Variants in IRF2 observed in about 807,000 individuals in gnomAD.
IRF2 encodes the protein interferon regulatory factor 2.
In IRF2, 15 loss-of-function variants were observed where a neutral mutation model predicts 40.6. That is an observed-to-expected ratio of 0.37 (90% CI 0.25 to 0.57). The LOEUF is 0.57. Among genes scored for constraint, IRF2 ranks in the 20% least tolerant of loss-of-function variants. The pLI is 0.77. For missense variants in IRF2, 317 were observed against 455.7 expected (o/e 0.70, Z 2.77); for synonymous variants, 151 against 165.5 (o/e 0.91, Z 0.67).
intron 6 of IRF2, among the ~76,000 whole-genome samples, chr4:184,406,316 G>A (rs945647602): frequency 2.0e-5 from 3 of 148,418 alleles, no homozygotes; most frequent in Admixed American, 1.4e-4. Context: ...TGCAACCTCC[G>A]CCTCCTGGGT....
At chr4:184,393,950 T>A (rs1477252373) in intron 7 of IRF2, among the ~76,000 whole-genome samples, 2 of 152,238 alleles carry the variant, frequency 1.3e-5, no homozygotes, top group African/African-American at 4.8e-5. Context: ...ACAAGGGAGC[T>A]GACTGCAGCT....
At chr4:184,460,705 G>GCA (rs1296842334) in intron 1 of IRF2, among the ~76,000 whole-genome samples, 1 of 148,888 alleles carries the variant, frequency 6.7e-6, no homozygotes, top group African/African-American at 2.5e-5. Context: ...ACATGCACAC[G>GCA]CACACACACA....
chr4:184,428,593 T>G, intron 2 of IRF2: 2 of 386,388 alleles, frequency 5.2e-6, no homozygotes, highest in African/African-American at 2.1e-5. Flanking sequence ...AGCCCAGGAG[T>G]TCAAGACCAG....
intron 1 of IRF2, among the ~76,000 whole-genome samples, chr4:184,446,495 A>C (rs1738514035): frequency 6.6e-6 from 1 of 152,232 alleles, no homozygotes; most frequent in Admixed American, 6.5e-5. Context: ...CCGTGGGGAC[A>C]TAAGACCACA....
chr4:184,462,649 T>C (rs1009917799), intron 1 of IRF2, among the ~76,000 whole-genome samples: 1 of 152,202 alleles, frequency 6.6e-6, no homozygotes, highest in Non-Finnish European at 1.5e-5. Flanking sequence ...AGGATCATCA[T>C]TGGAACTTAA....
At chr4:184,400,300 A>G (rs2149893597) in intron 6 of IRF2, among the ~76,000 whole-genome samples, 1 of 152,290 alleles carries the variant, frequency 6.6e-6, no homozygotes, top group Middle Eastern at 3.4e-3. Context: ...AGGATGTTAT[A>G]TTAATGGACT....
intron 5 of IRF2, among the ~76,000 whole-genome samples, chr4:184,410,835 G>T (rs547808922): frequency 6.6e-6 from 1 of 152,258 alleles, no homozygotes; most frequent in African/African-American, 2.4e-5. Context: ...TTAGTGACAA[G>T]TGATACTTTT....
chr4:184,416,814 G>T (rs1737294079), intron 5 of IRF2, among the ~76,000 whole-genome samples: 1 of 152,162 alleles, frequency 6.6e-6, no homozygotes, highest in Admixed American at 6.5e-5. Context: ...GGGAGACTGA[G>T]GTGGGCGAAT....
At chr4:184,460,633 G>A (rs1005122911) in intron 1 of IRF2, among the ~76,000 whole-genome samples, 9 of 146,038 alleles carry the variant, frequency 6.2e-5, no homozygotes, top group African/African-American at 2.1e-4. Context: ...ACACACACAC[G>A]CATGCACGCA....
chr4:184,405,406 T>G (rs1239981183), intron 6 of IRF2, among the ~76,000 whole-genome samples: 1 of 152,160 alleles, frequency 6.6e-6, no homozygotes, highest in Non-Finnish European at 1.5e-5. Flanking sequence ...GACAAAGCCT[T>G]TGCAGCTGCT....
chr4:184,393,704 C>T (rs1736341582), intron 7 of IRF2, among the ~76,000 whole-genome samples: 1 of 140,524 alleles, frequency 7.1e-6, no homozygotes, highest in African/African-American at 2.6e-5. Context: ...AGATTAAGTT[C>T]CACAGCATCT....
intron 2 of IRF2, among the ~76,000 whole-genome samples, chr4:184,423,442 C>T (rs1737553934): frequency 6.6e-6 from 1 of 152,222 alleles, no homozygotes. Context: ...TCTGCCTCTT[C>T]TTCCCCCCAA....
chr4:184,419,686 T>C (rs963275057), intron 2 of IRF2, 118 bp from the exon 3 acceptor site: 2 of 683,374 alleles, frequency 2.9e-6, no homozygotes, highest in African/African-American at 3.6e-5. Flanking sequence ...GCTGAATGTG[T>C]TGACTGCTGA....
chr4:184,388,871 G>C lies in IRF2; in HGVS notation c.937C>G (p.Leu313Val). ...GATGCTGGGGTCATGGAGGAAGAAA[G>C]GGGGAGGTCTTGAAAAGGGGGCCAG... Reference protein sequence around the residue: ...SSWPPFQDLPLSSSMTPASSS... With the variant: ...SSWPPFQDLPVSSSMTPASSS... The change falls in exon 9 of 9, where the codon CTT becomes GTT. Residue 313 changes from leucine (L) to valine (V), a missense_variant. Coordinates refer to ENST00000393593, the MANE Select transcript of IRF2 (RefSeq NM_002199.4). The surrounding 1 kb of genome is among the most constrained non-coding windows in gnomAD (Gnocchi z 4.6). 2 of 1,614,106 alleles carry C rather than the reference G, an allele frequency of 1.2e-6. No individual in the cohort carries two copies. The highest frequency in any genetic ancestry group is 1.3e-5 in the African/African-American group (1 of 75,004).
chr4:184,400,204 C>T (rs907672350), intron 6 of IRF2, among the ~76,000 whole-genome samples: 3 of 152,214 alleles, frequency 2.0e-5, no homozygotes, highest in African/African-American at 7.2e-5. Context: ...AGCCACCTTC[C>T]TTCAGTACCT....
intron 2 of IRF2, among the ~76,000 whole-genome samples, chr4:184,426,758 T>C (rs1220240060): frequency 6.6e-6 from 1 of 152,128 alleles, no homozygotes; most frequent in African/African-American, 2.4e-5. Context: ...CAACCAAAAC[T>C]AGTGGAGGTA....
At chr4:184,424,065 C>T (rs61516418) in intron 2 of IRF2, among the ~76,000 whole-genome samples, 3 of 29,944 alleles carry the variant, frequency 1.0e-4, no homozygotes, top group South Asian at 1.1e-3. Context: ...CACACAGATA[C>T]ACACACACAC....
At chr4:184,425,537 G>A (rs1289960135) in intron 2 of IRF2, among the ~76,000 whole-genome samples, 1 of 152,254 alleles carries the variant, frequency 6.6e-6, no homozygotes, top group African/African-American at 2.4e-5. Context: ...GTGCTGAGAG[G>A]CGGCACGGGC....
intron 1 of IRF2, among the ~76,000 whole-genome samples, chr4:184,458,312 C>T (rs927626872): frequency 2.6e-5 from 4 of 152,174 alleles, no homozygotes; most frequent in African/African-American, 7.2e-5. Context: ...TTTTCATGAC[C>T]AGGAATGGTT....
Sources: allele counts gnomAD v4.1 joint callset (sites outside exome capture counted in the v4.1 genomes callset), GRCh38; gene constraint gnomAD v4.1.1; non-coding constraint Gnocchi (gnomAD v3.1); transcripts MANE v1.5; gene names NCBI Gene and HGNC (gene_info 2026-07-23, HGNC 2026-07-21).